Variants in APBB2 observed in about 807,000 individuals in gnomAD.
APBB2 encodes amyloid beta precursor protein binding family B member 2, also known as Fe65-like 1.
APBB2 carries 38 observed loss-of-function variants against 82.5 expected under a neutral mutation model. The ratio of observed to expected loss-of-function variants is 0.46; its 90% CI spans 0.36 to 0.60. APBB2 has a LOEUF of 0.60. APBB2 is among the 20% of genes least tolerant of loss of function. APBB2 has a pLI of 0.00. For synonymous variants in APBB2, 341 were observed against 368.2 expected, an observed-to-expected ratio of 0.93 and a Z score of 0.85; for missense variants, 772 against 972.3, an observed-to-expected ratio of 0.79 and a Z score of 2.74.
intron 6 of APBB2, among the ~76,000 whole-genome samples, chr4:40,959,352 A>AG (rs985535747): frequency 5.3e-5 from 8 of 152,232 alleles, no homozygotes; most frequent in African/African-American, 1.9e-4. Flanking sequence ...CAAGGTAGGC[A>AG]GGTTTGAAAA....
chr4:41,066,779 C>T (rs1030643883), intron 3 of APBB2, among the ~76,000 whole-genome samples: 1 of 152,152 alleles, frequency 6.6e-6, no homozygotes, highest in Non-Finnish European at 1.5e-5. Flanking sequence ...CAGATGGCAA[C>T]CATGTACATG....
At chr4:40,869,560 C>T (rs573344466) in intron 12 of APBB2, among the ~76,000 whole-genome samples, 1 of 151,932 alleles carries the variant, frequency 6.6e-6, no homozygotes, top group South Asian at 2.1e-4. Context: ...TGTACTCCAG[C>T]CTGGGTGAAG....
rs1395290126 is a variant in APBB2, at chr4:41,173,969, A to G, written c.-416-30827T>C. Reference sequence around the variant, plus strand: ...AGAAGAACATGATTACTTAAAAAACATGAAAAACTGACTTCTATCTCAGCT... The same window carrying G: ...AGAAGAACATGATTACTTAAAAAACGTGAAAAACTGACTTCTATCTCAGCT... On this transcript the variant is annotated intron_variant, in intron 1 of 17. Transcript: ENST00000508593. Among the ~76,000 whole-genome samples, 4 of 152,372 alleles carry G rather than the reference A, an allele frequency of 2.6e-5. No individual in the cohort carries two copies. The East Asian group carries it at 5.8e-4, about 22-fold the overall frequency.
chr4:40,982,436 AGAAAGAAAGAAAGAAAGAAT>A (rs1229214980), intron 6 of APBB2, among the ~76,000 whole-genome samples: 4 of 138,952 alleles, frequency 2.9e-5, no homozygotes, highest in African/African-American at 5.3e-5. Flanking sequence ...AAAGAAAGAA[AGAAAGAAAGAAAGAAAGAAT>A]GAATGAATTT....
chr4:40,909,094 G>A (rs1176342969), intron 10 of APBB2, among the ~76,000 whole-genome samples: 3 of 152,236 alleles, frequency 2.0e-5, no homozygotes. Flanking sequence ...CCCTGTCACA[G>A]TGGCCCTGCT....
intron 4 of APBB2, among the ~76,000 whole-genome samples, chr4:41,045,804 C>A (rs562921210): frequency 6.6e-6 from 1 of 152,186 alleles, no homozygotes; most frequent in South Asian, 2.1e-4. Flanking sequence ...CCGTTTCATT[C>A]ATTAGCATAT....
chr4:40,908,833 G>T (rs1777780311), intron 10 of APBB2, among the ~76,000 whole-genome samples: 1 of 152,200 alleles, frequency 6.6e-6, no homozygotes, highest in Non-Finnish European at 1.5e-5. Flanking sequence ...CTGAGGTAGT[G>T]TGGGTGCCCT....
intron 1 of APBB2, among the ~76,000 whole-genome samples, chr4:41,176,075 C>T (rs1451668427): frequency 6.6e-6 from 1 of 152,134 alleles, no homozygotes; most frequent in Admixed American, 6.6e-5. Flanking sequence ...AACTAACCAG[C>T]TGCTGGTCAT....
chr4:40,914,242 A>G (rs992275434), intron 10 of APBB2, among the ~76,000 whole-genome samples: 3 of 152,072 alleles, frequency 2.0e-5, no homozygotes, highest in Non-Finnish European at 4.4e-5. Context: ...GCATGGTGGC[A>G]GGCGCCTATA....
chr4:40,855,190 A>AGTG (rs1170863200), intron 12 of APBB2, among the ~76,000 whole-genome samples: 51 of 152,242 alleles, frequency 3.3e-4, no homozygotes, highest in African/African-American at 1.2e-3. Context: ...TGTCATCCAC[A>AGTG]CTGCTTCCCA....
At chr4:40,906,122 G>A (rs13139548) in intron 10 of APBB2, among the ~76,000 whole-genome samples, 68,836 of 151,992 alleles carry the variant, frequency 0.45, 15,674 homozygotes, top group East Asian at 0.61. Flanking sequence ...AATGTCTTCA[G>A]TGTATTCTAA....
At chr4:41,160,018 A>G (rs940704361) in intron 1 of APBB2, among the ~76,000 whole-genome samples, 3 of 147,922 alleles carry the variant, frequency 2.0e-5, no homozygotes, top group African/African-American at 7.9e-5. Flanking sequence ...GAAGAAGAAG[A>G]AGAAGAAGAA....
intron 3 of APBB2, among the ~76,000 whole-genome samples, chr4:41,094,410 A>G (rs1371109547): frequency 1.3e-5 from 2 of 152,224 alleles, no homozygotes; most frequent in Admixed American, 6.5e-5. Context: ...ATTTCTTGAA[A>G]CTTTAACCAT....
chr4:40,893,259 A>G lies in APBB2; in HGVS notation c.1401+6T>C. The stretch of plus-strand genomic sequence containing the variant: ...CCTGCCGTGCATCATTCTACATGCC[A>G]CTTACCTCTCCCCAAATCCCGACTG... On this transcript the variant is annotated splice_donor_region_variant and intron_variant, in intron 11 of 17. Coordinates refer to ENST00000508593, the MANE Select transcript of APBB2 (RefSeq NM_004307.2). 6.2e-7 allele frequency: 1 copy of G among 1,612,964 alleles called. No individual in the cohort carries two copies. The highest frequency in any genetic ancestry group is 1.7e-5 in the Admixed American group (1 of 59,844).
chr4:40,949,076 T>C (rs1284620742), intron 6 of APBB2, among the ~76,000 whole-genome samples: 1 of 152,094 alleles, frequency 6.6e-6, no homozygotes, highest in Non-Finnish European at 1.5e-5. Flanking sequence ...GTCAGGAGTT[T>C]GAGACCAGCA....
chr4:41,106,976 G>A (rs1747493269), intron 2 of APBB2, among the ~76,000 whole-genome samples: 1 of 151,950 alleles, frequency 6.6e-6, no homozygotes, highest in Admixed American at 6.6e-5. Context: ...AGCTTTAAAA[G>A]GGCTCCTCAT....
intron 4 of APBB2, among the ~76,000 whole-genome samples, chr4:41,039,530 T>G (rs968989059): frequency 6.6e-6 from 1 of 152,232 alleles, no homozygotes; most frequent in African/African-American, 2.4e-5. Flanking sequence ...CTGCTTGTTT[T>G]GCTTAGTGTC....
chr4:41,096,557 C>T (rs1743535372), intron 3 of APBB2, among the ~76,000 whole-genome samples: 1 of 152,168 alleles, frequency 6.6e-6, no homozygotes, highest in Non-Finnish European at 1.5e-5. Context: ...TGTACACACA[C>T]ACATCCATGT....
At chr4:40,898,492 T>C (rs1303168368) in intron 10 of APBB2, among the ~76,000 whole-genome samples, 1 of 152,164 alleles carries the variant, frequency 6.6e-6, no homozygotes, top group African/African-American at 2.4e-5. Context: ...CTCAAACTCC[T>C]GACCTCAGGT....
Sources: gnomAD v4.1 joint callset for allele counts (sites outside exome capture counted in the v4.1 genomes callset) on GRCh38, gnomAD v4.1.1 for gene constraint, MANE v1.5 for transcripts, NCBI Gene and HGNC (gene_info 2026-07-23, HGNC 2026-07-21) for gene names.